PCDH9: variants seen among roughly 807,000 people sequenced by gnomAD.
PCDH9 encodes protocadherin-9.
A neutral mutation model predicts 70.6 loss-of-function variants in PCDH9; 24 were observed. That is an observed-to-expected ratio of 0.34 (90% CI 0.25 to 0.48). The LOEUF (loss-of-function observed/expected upper bound fraction) is 0.48, where lower values mean the gene tolerates loss of function less well. PCDH9 is among the 20% of genes least tolerant of loss of function. PCDH9 has a pLI of 0.99. For synonymous variants in PCDH9, 562 were observed against 558.5 expected (o/e 1.01, Z -0.09); for missense variants, 1,281 against 1,503.6 (o/e 0.85, Z 2.45).
chr13:66,387,269 T>C (rs1956945540), intron 4 of PCDH9, among the ~76,000 whole-genome samples: 1 of 152,136 alleles, frequency 6.6e-6, no homozygotes, highest in Non-Finnish European at 1.5e-5. Context: ...TTCCTTCAAA[T>C]GTATCTCAAA....
intron 3 of PCDH9, among the ~76,000 whole-genome samples, chr13:66,800,223 C>A (rs1218366298): frequency 1.3e-5 from 2 of 152,070 alleles, no homozygotes; most frequent in Non-Finnish European, 2.9e-5. Flanking sequence ...GTAACATAAA[C>A]CCTGCCCTCT....
chr13:66,424,364 C>T (rs1408317114), intron 4 of PCDH9, among the ~76,000 whole-genome samples: 1 of 151,890 alleles, frequency 6.6e-6, no homozygotes, highest in Non-Finnish European at 1.5e-5. Context: ...TCAAATTGAG[C>T]AAGCCTACAG....
chr13:66,430,465 G>A (rs1402553155), intron 4 of PCDH9, among the ~76,000 whole-genome samples: 2 of 152,000 alleles, frequency 1.3e-5, no homozygotes, highest in Admixed American at 6.6e-5. Context: ...GGAGAGTGAA[G>A]GATGCATTTT....
chr13:66,848,956 AGG>A (rs1274921739), intron 3 of PCDH9, among the ~76,000 whole-genome samples: 186 of 148,716 alleles, frequency 1.3e-3, no homozygotes, highest in Non-Finnish European at 1.8e-3. Flanking sequence ...AAAAAAATAG[AGG>A]AGCCAAAATA....
At chr13:66,438,229 G>A (rs542503668) in intron 4 of PCDH9, among the ~76,000 whole-genome samples, 24 of 149,194 alleles carry the variant, frequency 1.6e-4, no homozygotes, top group Middle Eastern at 6.8e-3. Context: ...GCGAGACTCC[G>A]GCTCAAAAAA....
At chr13:66,863,331 G>T (rs1452220723) in intron 3 of PCDH9, among the ~76,000 whole-genome samples, 1 of 152,222 alleles carries the variant, frequency 6.6e-6, no homozygotes, top group East Asian at 1.9e-4. Context: ...TTGAGATAAT[G>T]CATGGAAAAT....
At chr13:67,036,672 G>A (rs2085015409) in intron 2 of PCDH9, among the ~76,000 whole-genome samples, 1 of 152,084 alleles carries the variant, frequency 6.6e-6, no homozygotes, top group Non-Finnish European at 1.5e-5. Flanking sequence ...TCCCTTTCAG[G>A]AGATTCCGAT....
chr13:66,634,355 G>T (rs1834332500), intron 3 of PCDH9, among the ~76,000 whole-genome samples: 1 of 152,158 alleles, frequency 6.6e-6, no homozygotes, highest in Non-Finnish European at 1.5e-5. Flanking sequence ...GCAAGTAAAA[G>T]AATGTCTGAA....
intron 3 of PCDH9, among the ~76,000 whole-genome samples, chr13:66,847,045 G>A (rs12875661): frequency 6.6e-6 from 1 of 151,834 alleles, no homozygotes; most frequent in East Asian, 1.9e-4. Flanking sequence ...TTAGAAACTA[G>A]ACACACAAAA....
chr13:66,649,210 T>C (rs2077815419), intron 3 of PCDH9, among the ~76,000 whole-genome samples: 1 of 152,102 alleles, frequency 6.6e-6, no homozygotes, highest in African/African-American at 2.4e-5. Flanking sequence ...AATAAGGTTA[T>C]ATCAGAGCAC....
intron 4 of PCDH9, among the ~76,000 whole-genome samples, chr13:66,603,172 T>A (rs1320792082): frequency 7.2e-6 from 1 of 138,794 alleles, no homozygotes; most frequent in Non-Finnish European, 1.6e-5. Context: ...GAAATTAGAG[T>A]TTAAAAGATT....
intron 2 of PCDH9, among the ~76,000 whole-genome samples, chr13:67,026,863 TG>T (rs1389675020): frequency 6.6e-6 from 1 of 152,056 alleles, no homozygotes; most frequent in East Asian, 1.9e-4. Flanking sequence ...ACAAGGGACG[TG>T]AAGGACCTCT....
chr13:66,787,529 T>A (rs778177044), intron 3 of PCDH9, among the ~76,000 whole-genome samples: 1 of 151,736 alleles, frequency 6.6e-6, no homozygotes, highest in Non-Finnish European at 1.5e-5. Flanking sequence ...GGCAGGAGAA[T>A]TGCTTAAACC....
intron 3 of PCDH9, among the ~76,000 whole-genome samples, chr13:66,769,888 G>C (rs570229475): frequency 7.2e-5 from 11 of 152,052 alleles, no homozygotes; most frequent in Non-Finnish European, 1.5e-4. Flanking sequence ...TTAGGGGCTG[G>C]GAGATGTAGG....
At chr13:66,315,176 G>A (rs541229284) in intron 4 of PCDH9, among the ~76,000 whole-genome samples, 4 of 152,272 alleles carry the variant, frequency 2.6e-5, no homozygotes, top group South Asian at 2.1e-4. Flanking sequence ...ACAAACACAA[G>A]CAACTGGATT....
At position 67,105,423 on chromosome 13, in the gene PCDH9, A is replaced by G. The variant is rs2138251839; in HGVS notation, c.3036+119982T>C. ...CTACTGGTTTTGAGAATCACACTCT[A>G]GATTACTGGAAAAGAAGGGGTTATT... On this transcript the variant is annotated intron_variant, in intron 2 of 4. Transcript: ENST00000377865. Among the ~76,000 whole-genome samples, 2 of 152,264 alleles carry G rather than the reference A, an allele frequency of 1.3e-5. 1 individual carries two copies. Among genetic ancestry groups the G allele is most frequent in the South Asian group, 4.1e-4 (2 of 4,832 alleles).
chr13:67,063,579 C>T (rs2085582019), intron 2 of PCDH9, among the ~76,000 whole-genome samples: 1 of 151,960 alleles, frequency 6.6e-6, no homozygotes, highest in Non-Finnish European at 1.5e-5. Flanking sequence ...GGTCACCCTC[C>T]TTTCCTCTAT....
At chr13:66,365,101 T>A (rs948721742) in intron 4 of PCDH9, among the ~76,000 whole-genome samples, 1 of 152,184 alleles carries the variant, frequency 6.6e-6, no homozygotes, top group Non-Finnish European at 1.5e-5. Context: ...TTAATTTATT[T>A]CCTTTGATAT....
At chr13:67,159,808 A>G (rs1280254433) in intron 2 of PCDH9, among the ~76,000 whole-genome samples, 2 of 152,224 alleles carry the variant, frequency 1.3e-5, no homozygotes, top group Admixed American at 1.3e-4. Flanking sequence ...CAATGTAGCA[A>G]TTAGTGCAAA....
Sources: gnomAD v4.1 joint callset for allele counts (sites outside exome capture counted in the v4.1 genomes callset) on GRCh38, gnomAD v4.1.1 for gene constraint, MANE v1.5 for transcripts, NCBI Gene and HGNC (gene_info 2026-07-23, HGNC 2026-07-21) for gene names.